METTL15: variants seen among roughly 807,000 people sequenced by gnomAD.
METTL15 encodes 12S rRNA N(4)-cytidine methyltransferase METTL15.
Under a neutral mutation model 38.3 loss-of-function variants are expected in METTL15, and 34 were observed. The observed-to-expected ratio is 0.89, with a 90% CI of 0.68 to 1.18. The LOEUF (loss-of-function observed/expected upper bound fraction) is 1.18. Ranked by LOEUF, METTL15 falls within the 50% of genes most tolerant of loss-of-function variation. The pLI, the probability that METTL15 is intolerant of heterozygous loss-of-function variation, is 0.00. For synonymous variants in METTL15, 162 were observed against 170.9 expected (o/e 0.95, Z 0.41); for missense variants, 438 against 498.4 (o/e 0.88, Z 1.15).
intron 3 of METTL15, among the ~76,000 whole-genome samples, chr11:28,154,833 C>G (rs1223104897): frequency 6.6e-6 from 1 of 152,124 alleles, no homozygotes. Flanking sequence ...TTTCTCAGTT[C>G]TCTCTCACAA....
At chr11:28,313,652 A>G (rs1426114308) in intron 6 of METTL15, among the ~76,000 whole-genome samples, 3 of 151,618 alleles carry the variant, frequency 2.0e-5, no homozygotes, top group East Asian at 3.9e-4. Context: ...GTTGTGTTGG[A>G]GTGATTGGAT....
Position 28,310,969 on chromosome 11 carries a change from T to G in METTL15, c.778+14038T>G, listed in dbSNP as rs577007936. ...GTGGTGGTGGTGGTGGTGGTGGGTG[T>G]GTGTGTGTGTGTGTGTGTGTGTGTG... On this transcript the variant is annotated intron_variant, in intron 6 of 6. Coordinates refer to ENST00000407364, the MANE Select transcript of METTL15 (RefSeq NM_001113528.2). Among the ~76,000 whole-genome samples the G allele has an allele frequency of 1.8e-3, 232 of 126,960 alleles. 2 individuals carry two copies. The highest frequency in any genetic ancestry group is 5.8e-3 in the African/African-American group (168 of 29,104). 83.3% of individuals were successfully genotyped at this position (126,960 alleles called of 152,430 possible). A position where few individuals can be genotyped will look rare whatever the true frequency, so the allele number is the denominator to read the frequency against.
intron 6 of METTL15, among the ~76,000 whole-genome samples, chr11:28,500,414 C>A (rs944531997): frequency 3.3e-5 from 5 of 152,176 alleles, no homozygotes; most frequent in Admixed American, 2.6e-4. Context: ...TAAGAACAGG[C>A]TTGAGGGTGG....
At chr11:28,486,729 A>G (rs556076155) in intron 6 of METTL15, among the ~76,000 whole-genome samples, 15 of 152,300 alleles carry the variant, frequency 9.8e-5, no homozygotes. Flanking sequence ...CTTCTTCCTA[A>G]TGTATCTTCA....
At chr11:28,146,927 A>G (rs1019195790) in intron 3 of METTL15, among the ~76,000 whole-genome samples, 4 of 151,910 alleles carry the variant, frequency 2.6e-5, no homozygotes, top group Non-Finnish European at 5.9e-5. Flanking sequence ...TTTGAAAGAA[A>G]ATATTTCATT....
chr11:28,281,112 C>T (rs2133973503), intron 4 of METTL15, among the ~76,000 whole-genome samples: 1 of 152,072 alleles, frequency 6.6e-6, no homozygotes, highest in East Asian at 1.9e-4. Flanking sequence ...CTTGAAGGTG[C>T]CTTCCTCCAG....
chr11:28,248,007 G>A (rs1854582571), intron 4 of METTL15, among the ~76,000 whole-genome samples: 1 of 152,016 alleles, frequency 6.6e-6, no homozygotes, highest in South Asian at 2.1e-4. Flanking sequence ...TTGGTAATTT[G>A]TATTTAGTTG....
chr11:28,465,442 T>C (rs1851249181), intron 6 of METTL15, among the ~76,000 whole-genome samples: 1 of 152,206 alleles, frequency 6.6e-6, no homozygotes, highest in African/African-American at 2.4e-5. Context: ...TCTATTTTTC[T>C]TGCCTAGTTT....
chr11:28,161,120 T>G (rs149179937), intron 3 of METTL15, among the ~76,000 whole-genome samples: 38 of 86,600 alleles, frequency 4.4e-4, no homozygotes, highest in African/African-American at 1.8e-3. Context: ...TTTTTTTTTT[T>G]TTTTTTGTTT....
intron 6 of METTL15, among the ~76,000 whole-genome samples, chr11:28,312,483 C>T (rs1857338769): frequency 6.6e-6 from 1 of 152,152 alleles, no homozygotes; most frequent in South Asian, 2.1e-4. Context: ...TTGTTGACTT[C>T]GTCTGTATAC....
chr11:28,125,750 T>G (rs1852452559), intron 3 of METTL15: 1 of 152,134 alleles, frequency 6.6e-6, no homozygotes, highest in Admixed American at 6.6e-5. Context: ...TAAATTGCTG[T>G]AACTGTTTTG....
downstream of METTL15, among the ~76,000 whole-genome samples, chr11:28,336,303 G>C (rs1384903658): frequency 6.6e-6 from 1 of 152,174 alleles, no homozygotes; most frequent in African/African-American, 2.4e-5. Flanking sequence ...ATTTAGGTAA[G>C]AGAAAGTATT....
chr11:28,213,699 A>C (rs1852739718), intron 4 of METTL15, among the ~76,000 whole-genome samples: 2 of 140,864 alleles, frequency 1.4e-5, no homozygotes, highest in South Asian at 4.5e-4. Context: ...TCTTTCACCC[A>C]GGCCGGACTG....
chr11:28,234,093 T>C (rs182700316), intron 4 of METTL15, among the ~76,000 whole-genome samples: 103 of 152,238 alleles, frequency 6.8e-4, no homozygotes, highest in African/African-American at 2.3e-3. Context: ...CTGAGAATGA[T>C]AATTTCCAAT....
intron 6 of METTL15, among the ~76,000 whole-genome samples, chr11:28,310,970 G>GTA (rs1266463501): frequency 5.2e-5 from 7 of 134,596 alleles, no homozygotes; most frequent in African/African-American, 1.9e-4. Flanking sequence ...TGGTGGGTGT[G>GTA]TGTGTGTGTG....
chr11:28,374,743 C>T (rs1036077400), intron 5 of METTL15, among the ~76,000 whole-genome samples: 5 of 151,362 alleles, frequency 3.3e-5, no homozygotes, highest in Admixed American at 6.6e-5. Flanking sequence ...TGTCTTGTGC[C>T]AGTTTTCAAA....
In METTL15 at chr11:28,498,729, T is replaced by C. The variant is rs1051998413; in HGVS notation, c.*425-27749T>C. ...TCCTGGACTAATGTCTATGAAATAG[T>C]TATCATCCAATTATTAGTTATTTCA... On this transcript the variant is annotated intron_variant and NMD_transcript_variant, in intron 6 of 7. Coordinates refer to the METTL15 transcript ENST00000532947. 3.3e-5 allele frequency among the ~76,000 whole-genome samples: 5 copies of C among 152,320 alleles called. No individual in the cohort carries two copies. In the South Asian group the frequency reaches 1.0e-3, roughly 32 times the overall value.
intron 5 of METTL15, among the ~76,000 whole-genome samples, chr11:28,421,044 A>C (rs1199350439): frequency 6.6e-6 from 1 of 151,994 alleles, no homozygotes; most frequent in Admixed American, 6.6e-5. Context: ...TACTGCAAAA[A>C]CTCAAATTAA....
At chr11:28,143,871 C>G (rs563790666) in intron 3 of METTL15, among the ~76,000 whole-genome samples, 2 of 152,286 alleles carry the variant, frequency 1.3e-5, no homozygotes, top group South Asian at 2.1e-4. Flanking sequence ...TGATTAGGAT[C>G]TCTTTTGACA....
Sources: allele counts gnomAD v4.1 joint callset (sites outside exome capture counted in the v4.1 genomes callset), GRCh38; gene constraint gnomAD v4.1.1; transcripts MANE v1.5; gene names NCBI Gene and HGNC (gene_info 2026-07-23, HGNC 2026-07-21).